The following SLCO1A2 variants were observed in gnomAD, a reference collection of about 807,000 sequenced individuals.
SLCO1A2 encodes OATP-1.
A neutral mutation model predicts 69.0 loss-of-function variants in SLCO1A2; 67 were observed. That is an observed-to-expected ratio of 0.97 (90% CI 0.80 to 1.19). SLCO1A2 has a LOEUF of 1.19. Ranked by LOEUF, SLCO1A2 falls within the 50% of genes most tolerant of loss-of-function variation. SLCO1A2 has a pLI of 0.00. For synonymous variants in SLCO1A2, 260 were observed against 265.9 expected, an observed-to-expected ratio of 0.98 and a Z score of 0.22; for missense variants, 787 against 793.7, an observed-to-expected ratio of 0.99 and a Z score of 0.10.
rs184309917 is a variant in SLCO1A2 at position 21,276,370 on chromosome 12, T to C, written c.1611-946A>G. On this transcript the variant is annotated intron_variant, in intron 12 of 14. Coordinates refer to ENST00000683939, the MANE Select transcript of SLCO1A2 (RefSeq NM_001386879.1). Reference sequence around the variant, plus strand: ...ACCTATCTCTACTTATGCGTAGAGATGATAGAGATAAATATGGACACACAC... The same window carrying C: ...ACCTATCTCTACTTATGCGTAGAGACGATAGAGATAAATATGGACACACAC... Among the ~76,000 whole-genome samples the C allele has an allele frequency of 5.7e-3, 851 of 148,778 alleles. 9 individuals carry two copies. The highest frequency in any genetic ancestry group is 0.02 in the African/African-American group (799 of 40,680).
rs144691714 is a variant in SLCO1A2 at position 21,327,103 on chromosome 12, G to T, written c.60+7485C>A. ...TTTGGACTTGGTGCTCTGGGTCCCA[G>T]CCATGGGACCCAGAAGGAGCCAATG... On this transcript the variant is annotated intron_variant, in intron 2 of 14. Transcript: ENST00000683939. Among the ~76,000 whole-genome samples the T allele has an allele frequency of 2.5e-3, 385 of 152,226 alleles. 1 individual carries two copies. The highest frequency in any genetic ancestry group is 8.9e-3 in the African/African-American group (368 of 41,578).
chr12:21,334,691 G>T lies in SLCO1A2; in HGVS notation c.-44C>A, dbSNP rs1307731779. ...CCAAGCTATTTATGTTTTAAATCTT[G>T]ATATGTCTTACTTCTACCCTTTCAA... On this transcript the variant is annotated 5_prime_UTR_variant, in exon 2 of 15. Transcript: ENST00000683939. The T allele has an allele frequency of 6.6e-7, 1 of 1,518,484 alleles. No homozygotes were observed. Among genetic ancestry groups the T allele is most frequent in the Admixed American group, 1.8e-5 (1 of 55,296 alleles). 94.1% of individuals were successfully genotyped at this position (1,518,484 alleles called of 1,614,324 possible). A position where few individuals can be genotyped will look rare whatever the true frequency, so the allele number is the denominator to read the frequency against.
At chr12:21,330,444 G>C (rs1164743111) in intron 2 of SLCO1A2, among the ~76,000 whole-genome samples, 3 of 152,134 alleles carry the variant, frequency 2.0e-5, no homozygotes, top group African/African-American at 7.2e-5. Context: ...GGGAGGTTGA[G>C]GGTGCAGTGA....
chr12:21,361,774 C>G (rs1185254564), intron 2 of SLCO1A2, among the ~76,000 whole-genome samples: 1 of 151,930 alleles, frequency 6.6e-6, no homozygotes, highest in East Asian at 1.9e-4. Flanking sequence ...CCGATTTGAT[C>G]AAATAGAAGA....
intron 9 of SLCO1A2, among the ~76,000 whole-genome samples, chr12:21,296,718 C>T (rs1013500026): frequency 2.0e-5 from 3 of 152,168 alleles, no homozygotes; most frequent in Admixed American, 2.0e-4. Flanking sequence ...CATCTGGCTC[C>T]CCGAATCATA....
intron 1 of SLCO1A2, among the ~76,000 whole-genome samples, chr12:21,414,550 T>A (rs1941961508): frequency 6.6e-6 from 1 of 152,138 alleles, no homozygotes; most frequent in Admixed American, 6.5e-5. Context: ...TTTTTTTAAT[T>A]TATCAAACTT....
chr12:21,418,200 C>T (rs1362685513), upstream of SLCO1A2, among the ~76,000 whole-genome samples: 1 of 152,100 alleles, frequency 6.6e-6, no homozygotes, highest in African/African-American at 2.4e-5. Context: ...AGTGGTGCCC[C>T]TGGATATCAA....
intron 2 of SLCO1A2, among the ~76,000 whole-genome samples, chr12:21,362,961 C>T (rs1043693819): frequency 6.6e-6 from 1 of 152,086 alleles, no homozygotes; most frequent in African/African-American, 2.4e-5. Context: ...CATTAACACC[C>T]CACTGTGAAC....
intron 13 of SLCO1A2, 88 bp from the exon 14 acceptor site, chr12:21,274,674 G>T (rs3736080): frequency 0.33 from 304,813 of 937,358 alleles, 52,366 homozygotes; most frequent in African/African-American, 0.55. Flanking sequence ...TTATTTGTAC[G>T]GCAAAGTTTA....
In SLCO1A2 at chr12:21,267,508, G is replaced by C. The variant is rs906185643; in HGVS notation, c.*2040C>G. On this transcript the variant is annotated 3_prime_UTR_variant, in exon 15 of 15. Transcript: ENST00000683939. ...CACCAACACTATCTGCCTTGAATCC[G>C]TAAGAACTAACCTCATTATGTCCTC... 6.6e-6 allele frequency: 1 copy of C among 152,124 alleles called. No homozygotes were observed. The highest frequency in any genetic ancestry group is 6.6e-5 in the Admixed American group (1 of 15,238). The allele number at this position is 152,124 out of a possible 1,614,324, so 9.4% of individuals were successfully genotyped here.
chr12:21,416,911 T>A (rs922127564), intron 1 of SLCO1A2, among the ~76,000 whole-genome samples: 1 of 152,138 alleles, frequency 6.6e-6, no homozygotes, highest in Non-Finnish European at 1.5e-5. Flanking sequence ...GGAGGATAAA[T>A]GTCTCTCAAA....
chr12:21,366,847 G>A (rs189382691), intron 2 of SLCO1A2, among the ~76,000 whole-genome samples: 10 of 151,858 alleles, frequency 6.6e-5, no homozygotes, highest in Admixed American at 6.6e-4. Flanking sequence ...TAATTAAAGA[G>A]ATTAAAAATA....
At position 21,334,838 on chromosome 12, in the gene SLCO1A2, T is replaced by C; in HGVS notation, c.-74A>G. 1 of 492,130 alleles carries C rather than the reference T, an allele frequency of 2.0e-6. No homozygotes were observed. 30.5% of individuals were successfully genotyped at this position (492,130 alleles called of 1,614,324 possible). A position where few individuals can be genotyped will look rare whatever the true frequency, so the allele number is the denominator to read the frequency against. On this transcript the variant is annotated 5_prime_UTR_variant, in exon 1 of 15. Transcript: ENST00000683939. ...CATTACAAAAATACCTGGAACGCTTTAATACAGATTAGAAAATCATGGTGT... is the reference window on the plus strand; with the variant it reads ...CATTACAAAAATACCTGGAACGCTTCAATACAGATTAGAAAATCATGGTGT...
At chr12:21,273,419 G>A (rs1261754681) in intron 14 of SLCO1A2, among the ~76,000 whole-genome samples, 6 of 152,194 alleles carry the variant, frequency 3.9e-5, no homozygotes, top group African/African-American at 1.4e-4. Context: ...GGGATCCATG[G>A]AGAATTGTCT....
chr12:21,392,125 T>C (rs1687570762), intron 1 of SLCO1A2, among the ~76,000 whole-genome samples: 1 of 152,226 alleles, frequency 6.6e-6, no homozygotes, highest in African/African-American at 2.4e-5. Context: ...CCCTCATTCA[T>C]GGTCTGACAT....
chr12:21,353,798 T>G (rs1291947016), intron 2 of SLCO1A2, among the ~76,000 whole-genome samples: 1 of 152,192 alleles, frequency 6.6e-6, no homozygotes, highest in Non-Finnish European at 1.5e-5. Flanking sequence ...TAATGGCTAT[T>G]CTCAAGTGGT....
intron 4 of SLCO1A2, among the ~76,000 whole-genome samples, chr12:21,313,795 C>A (rs978421227): frequency 6.7e-6 from 1 of 150,302 alleles, no homozygotes; most frequent in Non-Finnish European, 1.5e-5. Context: ...ACAGTGAAAC[C>A]CCGTCTCTAC....
chr12:21,415,149 ATTATC>A (rs1173083020), intron 1 of SLCO1A2, among the ~76,000 whole-genome samples: 1 of 151,792 alleles, frequency 6.6e-6, no homozygotes, highest in East Asian at 1.9e-4. Context: ...ACCTGCTGTT[ATTATC>A]TTAATTCATT....
At position 21,370,857 on chromosome 12, in the gene SLCO1A2, C is replaced by T. The variant is rs116210668; in HGVS notation, c.-63+3542G>A. Among the ~76,000 whole-genome samples the T allele has an allele frequency of 7.4e-4, 112 of 152,244 alleles. 1 individual carries two copies. Among genetic ancestry groups the T allele is most frequent in the African/African-American group, 2.6e-3 (107 of 41,538 alleles). ...ATGCTTTCTACATCACTGTATTTAA[C>T]GCAGAACAGGTGAGACCCAAACTGG... On this transcript the variant is annotated intron_variant, in intron 2 of 15. Coordinates refer to the SLCO1A2 transcript ENST00000307378.
Sources: allele counts gnomAD v4.1 joint callset (sites outside exome capture counted in the v4.1 genomes callset), GRCh38; gene constraint gnomAD v4.1.1; transcripts MANE v1.5; gene names NCBI Gene and HGNC (gene_info 2026-07-23, HGNC 2026-07-21).